Variants in GABRG3 observed in about 807,000 individuals in gnomAD.
GABRG3 encodes the protein gamma-aminobutyric acid type A receptor subunit gamma3.
In GABRG3, 25 loss-of-function variants were observed where a neutral mutation model predicts 48.8. The ratio of observed to expected loss-of-function variants is 0.51; its 90% CI spans 0.37 to 0.72. The LOEUF is 0.72. GABRG3 is among the 30% of genes least tolerant of loss of function. GABRG3 has a pLI of 0.00. For synonymous variants in GABRG3, 227 were observed against 217.6 expected (o/e 1.04, Z -0.38); for missense variants, 394 against 577.9 (o/e 0.68, Z 3.26).
intron 3 of GABRG3, among the ~76,000 whole-genome samples, chr15:27,129,371 C>G (rs1897876142): frequency 6.6e-6 from 1 of 152,052 alleles, no homozygotes; most frequent in Non-Finnish European, 1.5e-5. Flanking sequence ...TCATTCATGT[C>G]TTAGCATTTC....
chr15:27,133,423 T>TAAAA (rs1249143592), intron 3 of GABRG3, among the ~76,000 whole-genome samples: 1 of 152,232 alleles, frequency 6.6e-6, no homozygotes, highest in Non-Finnish European at 1.5e-5. Context: ...CACCCCCATT[T>TAAAA]CAGAGTCACA....
intron 3 of GABRG3, among the ~76,000 whole-genome samples, chr15:27,156,433 G>T (rs1184734355): frequency 1.3e-5 from 2 of 151,896 alleles, no homozygotes; most frequent in African/African-American, 2.4e-5. Flanking sequence ...TGGTGTGTCT[G>T]AGTTTTTAGC....
At chr15:27,291,502 C>T (rs1595643901) in intron 3 of GABRG3, among the ~76,000 whole-genome samples, 1 of 152,268 alleles carries the variant, frequency 6.6e-6, no homozygotes, top group East Asian at 1.9e-4. Flanking sequence ...ATAACTGAGT[C>T]CCACCAAAAT....
chr15:27,339,131 T>G (rs995404118), intron 5 of GABRG3, among the ~76,000 whole-genome samples: 4 of 152,068 alleles, frequency 2.6e-5, no homozygotes, highest in African/African-American at 9.7e-5. Context: ...GGAGTAAATC[T>G]CTAAATGGCA....
intron 5 of GABRG3, chr15:27,365,437 A>G (rs1341343459): frequency 1.3e-5 from 2 of 152,140 alleles, no homozygotes; most frequent in East Asian, 3.9e-4. Context: ...ATGTCCTTTA[A>G]TCTGGCCTGG....
intron 3 of GABRG3, among the ~76,000 whole-genome samples, chr15:27,278,341 C>T (rs1388616751): frequency 1.3e-5 from 2 of 152,126 alleles, no homozygotes; most frequent in African/African-American, 4.8e-5. Context: ...TGAGCCACTG[C>T]GCCTGGCCTC....
chr15:27,300,678 C>CAAAA (rs10600874), intron 3 of GABRG3, among the ~76,000 whole-genome samples: 4 of 101,272 alleles, frequency 3.9e-5, no homozygotes, highest in African/African-American at 7.3e-5. Flanking sequence ...AATAAATAAG[C>CAAAA]AAAAAAAAAA....
At chr15:27,491,788 A>G (rs1890361349) in intron 6 of GABRG3, among the ~76,000 whole-genome samples, 1 of 152,238 alleles carries the variant, frequency 6.6e-6, no homozygotes, top group African/African-American at 2.4e-5. Flanking sequence ...GTCTGAGGAA[A>G]AGCCTCACTG....
intron 5 of GABRG3, among the ~76,000 whole-genome samples, chr15:27,469,060 A>G (rs1182193634): frequency 6.6e-6 from 1 of 152,204 alleles, no homozygotes; most frequent in African/African-American, 2.4e-5. Context: ...AGCACTATCC[A>G]TGGTTTCCAG....
intron 5 of GABRG3, among the ~76,000 whole-genome samples, chr15:27,370,707 G>A (rs1285353101): frequency 1.3e-5 from 2 of 152,184 alleles, no homozygotes; most frequent in Non-Finnish European, 2.9e-5. Context: ...AAACAAGCCT[G>A]CAATGAATTT....
intron 3 of GABRG3, among the ~76,000 whole-genome samples, chr15:27,097,394 A>G (rs1381297949): frequency 6.6e-6 from 1 of 152,136 alleles, no homozygotes; most frequent in Non-Finnish European, 1.5e-5. Context: ...CTGTAGACAC[A>G]GCTCACCTCA....
At chr15:27,003,684 C>G (rs1245265751) in intron 2 of GABRG3, among the ~76,000 whole-genome samples, 3 of 152,190 alleles carry the variant, frequency 2.0e-5, no homozygotes, top group East Asian at 1.9e-4. Context: ...TCCCCCCTTT[C>G]TATTCCACAA....
At chr15:27,365,954 A>C (rs1566807831) in intron 5 of GABRG3, 1 of 152,166 alleles carries the variant, frequency 6.6e-6, no homozygotes. Flanking sequence ...TTATTCCTCA[A>C]ATGTACAGAT....
intron 2 of GABRG3, among the ~76,000 whole-genome samples, chr15:26,993,785 G>A (rs1470037052): frequency 1.3e-5 from 2 of 152,000 alleles, no homozygotes; most frequent in African/African-American, 4.8e-5. Context: ...TCTTTCAAGT[G>A]TTGAAAGTGG....
At chr15:27,399,423 G>C (rs753546571) in intron 5 of GABRG3, among the ~76,000 whole-genome samples, 6 of 152,168 alleles carry the variant, frequency 3.9e-5, no homozygotes, top group African/African-American at 4.8e-5. Flanking sequence ...CAGTCCCTGC[G>C]GTTAATCAGT....
chr15:27,518,382 ATG>A (rs2150861535), intron 6 of GABRG3, among the ~76,000 whole-genome samples: 2 of 151,206 alleles, frequency 1.3e-5, no homozygotes, highest in African/African-American at 2.4e-5. Flanking sequence ...AAAAAAAAAA[ATG>A]GGACATCAGT....
intron 3 of GABRG3, among the ~76,000 whole-genome samples, chr15:27,186,223 G>A (rs758010221): frequency 9.9e-5 from 15 of 151,914 alleles, no homozygotes; most frequent in Non-Finnish European, 2.2e-4. Context: ...CCATCTTTAT[G>A]TCCATGCGTC....
At chr15:27,326,101 T>C (rs1351111477) in intron 3 of GABRG3, among the ~76,000 whole-genome samples, 1 of 152,086 alleles carries the variant, frequency 6.6e-6, no homozygotes, top group African/African-American at 2.4e-5. Context: ...TCCTAACCAT[T>C]TGATGGCTGC....
At chr15:27,160,343 A>G (rs960423594) in intron 3 of GABRG3, among the ~76,000 whole-genome samples, 1 of 152,156 alleles carries the variant, frequency 6.6e-6, no homozygotes. Flanking sequence ...CACAACCAGA[A>G]AGGTCTTCCC....
Sources: allele counts gnomAD v4.1 joint callset (sites outside exome capture counted in the v4.1 genomes callset), GRCh38; gene constraint gnomAD v4.1.1; transcripts MANE v1.5; gene names NCBI Gene and HGNC (gene_info 2026-07-23, HGNC 2026-07-21).